Variants in PARD3B observed in about 807,000 individuals in gnomAD.
PARD3B encodes the protein par-3 family cell polarity regulator beta, also known as partitioning defective 3 homolog B.
In PARD3B, 103 loss-of-function variants were observed where a neutral mutation model predicts 130.2. That is an observed-to-expected ratio of 0.79 (90% CI 0.67 to 0.93). The LOEUF (loss-of-function observed/expected upper bound fraction) is 0.93. PARD3B is among the 40% of genes least tolerant of loss of function. PARD3B has a pLI of 0.00. For synonymous variants in PARD3B, 583 were observed against 553.2 expected (o/e 1.05, Z -0.76); for missense variants, 1,609 against 1,499.2 (o/e 1.07, Z -1.21).
intron 2 of PARD3B, among the ~76,000 whole-genome samples, chr2:204,750,705 G>A (rs1405419229): frequency 6.6e-6 from 1 of 152,086 alleles, no homozygotes; most frequent in Non-Finnish European, 1.5e-5. Flanking sequence ...AGGGGGTGGG[G>A]CTATATTTAG....
At position 205,269,547 on chromosome 2, in the gene PARD3B, CA is replaced by C. The variant is rs370491046; in HGVS notation, c.2185+23726del. On this transcript the variant is annotated intron_variant, in intron 16 of 22. Transcript: ENST00000406610. The surrounding 1 kb of genome is among the most constrained non-coding windows in gnomAD (Gnocchi z 4.7). ...CACTGATTTTTTTTTAAAGTTCCTT[CA>C]GGGGCAATTGGGCTGCTGGGCTGCT... 2.0e-5 allele frequency among the ~76,000 whole-genome samples: 3 copies of C among 151,988 alleles called. No homozygotes were observed. Among genetic ancestry groups the C allele is most frequent in the Admixed American group, 6.6e-5 (1 of 15,244 alleles).
intron 1 of PARD3B, among the ~76,000 whole-genome samples, chr2:204,643,542 C>T (rs1375483948): frequency 1.3e-5 from 2 of 152,194 alleles, no homozygotes; most frequent in African/African-American, 2.4e-5. Flanking sequence ...ACATGCAACG[C>T]AGGACGGCTT....
At chr2:205,539,582 A>G (rs866216164) in intron 21 of PARD3B, among the ~76,000 whole-genome samples, 1 of 152,200 alleles carries the variant, frequency 6.6e-6, no homozygotes, top group East Asian at 1.9e-4. Context: ...CTGTTCACGA[A>G]GTAGCAGCCC....
At chr2:204,982,404 A>C (rs1324763460) in intron 3 of PARD3B, among the ~76,000 whole-genome samples, 1 of 152,208 alleles carries the variant, frequency 6.6e-6, no homozygotes, top group Non-Finnish European at 1.5e-5. Flanking sequence ...GGTGTGGCCT[A>C]GACCAGCTCA....
At chr2:204,942,911 A>G (rs1000995613) in intron 2 of PARD3B, among the ~76,000 whole-genome samples, 4 of 152,192 alleles carry the variant, frequency 2.6e-5, no homozygotes, top group Non-Finnish European at 5.9e-5. Context: ...GAGGAACAGA[A>G]AAAACATCTA....
chr2:205,456,049 C>T (rs1207735900), intron 20 of PARD3B, among the ~76,000 whole-genome samples: 1 of 152,046 alleles, frequency 6.6e-6, no homozygotes, highest in Non-Finnish European at 1.5e-5. Context: ...AATGGGGTAG[C>T]ATGTGACCTT....
chr2:204,979,409 G>A (rs1372717447), intron 3 of PARD3B, among the ~76,000 whole-genome samples: 1 of 152,176 alleles, frequency 6.6e-6, no homozygotes, highest in Admixed American at 6.5e-5. Flanking sequence ...ACCTAATTCA[G>A]TGGAGAGTTT....
intron 15 of PARD3B, among the ~76,000 whole-genome samples, chr2:205,197,206 A>AT (rs1018881287): frequency 2.0e-5 from 3 of 151,868 alleles, no homozygotes; most frequent in South Asian, 2.1e-4. Context: ...TAAATCATTT[A>AT]TTTTTTTTAA....
intron 13 of PARD3B, among the ~76,000 whole-genome samples, chr2:205,181,669 A>T (rs1559516886): frequency 6.6e-6 from 1 of 152,236 alleles, no homozygotes; most frequent in African/African-American, 2.4e-5. Flanking sequence ...CTAAAGTTAC[A>T]ATCTCTTTTA....
chr2:205,172,150 C>A, intron 11 of PARD3B, 61 bp from the exon 12 acceptor site: 1 of 1,488,884 alleles, frequency 6.7e-7, no homozygotes, highest in Non-Finnish European at 9.1e-7. Context: ...TTCCCCAAAA[C>A]GCCACATGTC....
At position 204,998,506 on chromosome 2, in the gene PARD3B, A is replaced by ATATAATATATGTATATATATGTGTG. The variant is rs1455825526; in HGVS notation, c.394+33187_394+33188insATATATGTATATATATGTGTGTATA. ...ATATAATATATGTATATATATGTGTATATATATATGTGTGTGTATATATAT... is the reference window on the plus strand; with the variant it reads ...ATATAATATATGTATATATATGTGTATATAATATATGTATATATATGTGTGTATATATATGTGTGTGTATATATAT... On this transcript the variant is annotated intron_variant, in intron 3 of 22. Coordinates refer to ENST00000406610, the MANE Select transcript of PARD3B (RefSeq NM_001302769.2). Among the ~76,000 whole-genome samples the ATATAATATATGTATATATATGTGTG allele has an allele frequency of 1.6e-4, 15 of 93,520 alleles. 1 individual carries two copies. The South Asian group carries it at 2.2e-3, about 13-fold the overall frequency. 61.4% of individuals were successfully genotyped at this position (93,520 alleles called of 152,430 possible). A position where few individuals can be genotyped will look rare whatever the true frequency, so the allele number is the denominator to read the frequency against.
At chr2:204,801,945 T>TC (rs2042585307) in intron 2 of PARD3B, among the ~76,000 whole-genome samples, 1 of 152,168 alleles carries the variant, frequency 6.6e-6, no homozygotes, top group Admixed American at 6.5e-5. Context: ...AAGGCCTTTT[T>TC]TGCATCTATT....
chr2:205,401,220 A>G, intron 19 of PARD3B, 97 bp downstream of exon 19: 1 of 1,017,036 alleles, frequency 9.8e-7, no homozygotes, highest in East Asian at 2.6e-5. Flanking sequence ...TCATTTTAAG[A>G]AGTATAGGGG....
intron 16 of PARD3B, among the ~76,000 whole-genome samples, chr2:205,296,505 C>T (rs1043480818): frequency 5.3e-5 from 8 of 152,092 alleles, no homozygotes; most frequent in Non-Finnish European, 1.0e-4. Context: ...GCTGGGGCAG[C>T]GGTTTCTCAG....
At chr2:205,517,957 T>A (rs539761074) in intron 21 of PARD3B, among the ~76,000 whole-genome samples, 1 of 152,182 alleles carries the variant, frequency 6.6e-6, no homozygotes, top group Non-Finnish European at 1.5e-5. Context: ...GTGTTTGTTA[T>A]GATTTTGGTT....
intron 20 of PARD3B, among the ~76,000 whole-genome samples, chr2:205,448,147 C>T (rs2047972665): frequency 6.6e-6 from 1 of 152,192 alleles, no homozygotes; most frequent in African/African-American, 2.4e-5. Flanking sequence ...TTAGCCCCTT[C>T]TTAAATTATA....
At chr2:205,311,307 T>A (rs2042378437) in intron 18 of PARD3B, among the ~76,000 whole-genome samples, 2 of 152,236 alleles carry the variant, frequency 1.3e-5, no homozygotes, top group African/African-American at 4.8e-5. Context: ...GGCTCCCTTT[T>A]CTTCACATCC....
chr2:205,006,672 T>C (rs1467271723), intron 3 of PARD3B, among the ~76,000 whole-genome samples: 2 of 152,188 alleles, frequency 1.3e-5, no homozygotes, highest in East Asian at 3.9e-4. Flanking sequence ...TGTTTTCTTC[T>C]TGCTGATTTG....
intron 4 of PARD3B, among the ~76,000 whole-genome samples, chr2:205,067,709 T>TG (rs1367640657): frequency 1.3e-5 from 2 of 152,194 alleles, no homozygotes; most frequent in African/African-American, 4.8e-5. Context: ...GTTATTTCAG[T>TG]GCCATTTAAA....
Sources: allele counts gnomAD v4.1 joint callset (sites outside exome capture counted in the v4.1 genomes callset), GRCh38; gene constraint gnomAD v4.1.1; non-coding constraint Gnocchi (gnomAD v3.1); transcripts MANE v1.5; gene names NCBI Gene and HGNC (gene_info 2026-07-23, HGNC 2026-07-21).